Variants in RANBP2 observed in about 807,000 individuals in gnomAD.
RANBP2 encodes the protein RAN binding protein 2.
In RANBP2, 57 loss-of-function variants were observed where a neutral mutation model predicts 303.6. That is an observed-to-expected ratio of 0.19 (90% CI 0.15 to 0.23). RANBP2 has a LOEUF of 0.23. Ranked by LOEUF, RANBP2 falls within the 10% of genes least tolerant of loss-of-function variation. RANBP2 has a pLI of 1.00. For missense variants in RANBP2, 3,138 were observed against 3,780.8 expected, an observed-to-expected ratio of 0.83 and a Z score of 4.46; for synonymous variants, 1,167 against 1,301.5, an observed-to-expected ratio of 0.90 and a Z score of 2.23.
chr2:108,952,004 T>C, the RANBP2 span, among the ~76,000 whole-genome samples: 2 of 152,226 alleles, frequency 1.3e-5, no homozygotes, highest in African/African-American at 2.4e-5. Context: ...ACCAAGAATA[T>C]TTTCACAAAG....
the RANBP2 span, among the ~76,000 whole-genome samples, chr2:109,260,301 C>G: frequency 6.6e-6 from 1 of 152,152 alleles, no homozygotes; most frequent in Non-Finnish European, 1.5e-5. Context: ...CACTGCTGAT[C>G]CCAAGTGCTA....
At chr2:109,456,457 A>C in the RANBP2 span, among the ~76,000 whole-genome samples, 1 of 152,238 alleles carries the variant, frequency 6.6e-6, no homozygotes, top group Non-Finnish European at 1.5e-5. Flanking sequence ...GCATCGCTTC[A>C]CTGGTGACAG....
the RANBP2 span, among the ~76,000 whole-genome samples, chr2:109,080,698 T>C: frequency 2.0e-5 from 3 of 152,142 alleles, no homozygotes. Context: ...GAAGGGAACA[T>C]TATAGAAGCC....
chr2:108,979,645 C>T, the RANBP2 span, among the ~76,000 whole-genome samples: 1 of 152,280 alleles, frequency 6.6e-6, no homozygotes, highest in African/African-American at 2.4e-5. Flanking sequence ...CCCCTCCTGC[C>T]TCCCTACCCA....
At chr2:109,426,130 A>T in the RANBP2 span, among the ~76,000 whole-genome samples, 1 of 152,182 alleles carries the variant, frequency 6.6e-6, no homozygotes, top group African/African-American at 2.4e-5. Flanking sequence ...GCTGGTGTCT[A>T]ACTCCTGACC....
the RANBP2 span, chr2:109,732,909 T>C: frequency 2.4e-6 from 2 of 816,466 alleles, no homozygotes; most frequent in Admixed American, 3.5e-5. Flanking sequence ...GGAAGAACAC[T>C]ATGTGGCCCC....
chr2:109,076,585 T>C, the RANBP2 span, among the ~76,000 whole-genome samples: 5 of 150,492 alleles, frequency 3.3e-5, 1 homozygote, highest in Non-Finnish European at 7.4e-5. Flanking sequence ...CAAAAATTAA[T>C]AGCATTTCCT....
At chr2:109,486,184 G>A in the RANBP2 span, among the ~76,000 whole-genome samples, 2 of 152,294 alleles carry the variant, frequency 1.3e-5, no homozygotes, top group East Asian at 1.9e-4. Flanking sequence ...ATCACTTACC[G>A]AGTTGCATGA....
At chr2:108,966,239 T>C in the RANBP2 span, among the ~76,000 whole-genome samples, 1 of 152,364 alleles carries the variant, frequency 6.6e-6, no homozygotes, top group African/African-American at 2.4e-5. Context: ...TTGCATGTTG[T>C]TGCCTACTCA....
At chr2:108,928,612 A>C in the RANBP2 span, among the ~76,000 whole-genome samples, 152 of 152,312 alleles carry the variant, frequency 1.0e-3, 1 homozygote, top group African/African-American at 3.4e-3. Flanking sequence ...AGCAATGATC[A>C]TGGCTCAGGA....
At chr2:108,961,023 T>A in the RANBP2 span, among the ~76,000 whole-genome samples, 47 of 152,264 alleles carry the variant, frequency 3.1e-4, no homozygotes, top group African/African-American at 1.1e-3. Context: ...AGAGTCCCAG[T>A]GGTAGAACTG....
the RANBP2 span, among the ~76,000 whole-genome samples, chr2:108,999,728 A>C: frequency 6.6e-6 from 1 of 152,216 alleles, no homozygotes; most frequent in East Asian, 1.9e-4. Context: ...GCTTCCTAGA[A>C]GGCAAAGATT....
At position 108,775,451 on chromosome 2, in the gene RANBP2, G is replaced by T. The variant is rs528786583; in HGVS notation, c.8293-281G>T. 5.3e-5 allele frequency among the ~76,000 whole-genome samples: 8 copies of T among 152,216 alleles called. No individual in the cohort carries two copies. The South Asian group carries it at 1.7e-3, about 32-fold the overall frequency. ...GCACCCAGGCTGGGTTACAGGAGTG[G>T]CAGAAAAACTCCGTGTGGATCTTAA... On this transcript the variant is annotated intron_variant, in intron 23 of 28. Transcript: ENST00000283195.
the RANBP2 span, among the ~76,000 whole-genome samples, chr2:109,413,430 G>A: frequency 6.6e-6 from 1 of 152,138 alleles, no homozygotes; most frequent in Non-Finnish European, 1.5e-5. Context: ...GTTATTTTAG[G>A]ATTCATTCTT....
chr2:109,276,015 G>T, the RANBP2 span, among the ~76,000 whole-genome samples: 4 of 152,192 alleles, frequency 2.6e-5, no homozygotes, highest in Non-Finnish European at 5.9e-5. Context: ...TCCAATCCTG[G>T]AGAGGATTTC....
At chr2:108,756,936 G>A (rs1221842373) in intron 17 of RANBP2, among the ~76,000 whole-genome samples, 1 of 152,216 alleles carries the variant, frequency 6.6e-6, no homozygotes, top group Non-Finnish European at 1.5e-5. Context: ...ATGTGTATGT[G>A]TAGCATCTGG....
the RANBP2 span, among the ~76,000 whole-genome samples, chr2:108,899,875 A>G: frequency 6.6e-6 from 1 of 152,032 alleles, no homozygotes; most frequent in Non-Finnish European, 1.5e-5. Context: ...AATCCCAGCT[A>G]CTCGGGAGGC....
chr2:109,525,155 G>A, the RANBP2 span, among the ~76,000 whole-genome samples: 1 of 141,400 alleles, frequency 7.1e-6, no homozygotes, highest in Non-Finnish European at 1.5e-5. Flanking sequence ...TTTTGTTTTT[G>A]TTTTTTGTTT....
At chr2:109,403,843 A>C in the RANBP2 span, among the ~76,000 whole-genome samples, 1 of 151,564 alleles carries the variant, frequency 6.6e-6, no homozygotes, top group African/African-American at 2.4e-5. Flanking sequence ...CTTCCCAAAA[A>C]CTCCCCTACC....
Sources: allele counts gnomAD v4.1 joint callset (sites outside exome capture counted in the v4.1 genomes callset), GRCh38; gene constraint gnomAD v4.1.1; transcripts MANE v1.5; gene names NCBI Gene and HGNC (gene_info 2026-07-23, HGNC 2026-07-21).